The following FAT4 variants were observed in gnomAD, a reference collection of about 807,000 sequenced individuals.
FAT4 encodes FAT atypical cadherin 4.
A neutral mutation model predicts 303.9 loss-of-function variants in FAT4; 84 were observed. The ratio of observed to expected loss-of-function variants is 0.28; its 90% CI spans 0.23 to 0.33. The LOEUF (loss-of-function observed/expected upper bound fraction) is 0.33. Ranked by LOEUF, FAT4 falls within the 10% of genes least tolerant of loss-of-function variation. The pLI is 1.00. For synonymous variants in FAT4, 2,307 were observed against 2,298.8 expected, an observed-to-expected ratio of 1.00 and a Z score of -0.10; for missense variants, 6,005 against 6,146.8, an observed-to-expected ratio of 0.98 and a Z score of 0.77.
chr4:125,357,897 C>T lies in FAT4; in HGVS notation c.5175+36311C>T, dbSNP rs149248649. Among the ~76,000 whole-genome samples the T allele has an allele frequency of 2.9e-3, 439 of 152,240 alleles. 3 individuals are homozygous for T. The highest frequency in any genetic ancestry group is 9.7e-3 in the African/African-American group (403 of 41,530). ...AATGAAGTAACTGGGCCATACATCC[C>T]TTCCCCTTTACATATGAAAGGAAAA... On this transcript the variant is annotated intron_variant, in intron 2 of 17. Transcript: ENST00000394329.
chr4:125,383,364 A>G (rs183600159), intron 2 of FAT4, among the ~76,000 whole-genome samples: 1 of 152,112 alleles, frequency 6.6e-6, no homozygotes, highest in Non-Finnish European at 1.5e-5. Context: ...AGGAATAGGG[A>G]GGCCCTAGGA....
At chr4:125,321,661 A>C in intron 2 of FAT4, 75 bp downstream of exon 2, 1 of 1,367,924 alleles carries the variant, frequency 7.3e-7, no homozygotes, top group Non-Finnish European at 9.8e-7. Flanking sequence ...TTTACTCTCT[A>C]TAATTGTTTA....
chr4:125,382,196 A>T (rs1279075592), intron 2 of FAT4, among the ~76,000 whole-genome samples: 1 of 152,128 alleles, frequency 6.6e-6, no homozygotes, highest in Non-Finnish European at 1.5e-5. Context: ...CTTTAATGGC[A>T]TCTAGAATGG....
chr4:125,365,012 T>A (rs1340239238), intron 2 of FAT4, among the ~76,000 whole-genome samples: 1 of 152,100 alleles, frequency 6.6e-6, no homozygotes, highest in African/African-American at 2.4e-5. Context: ...GAGTTGGAGG[T>A]ACATGCATTG....
intron 2 of FAT4, among the ~76,000 whole-genome samples, chr4:125,349,906 C>A (rs149862804): frequency 6.6e-6 from 1 of 151,488 alleles, no homozygotes; most frequent in Non-Finnish European, 1.5e-5. Context: ...AAACTCAATG[C>A]GCAATCTTGA....
intron 10 of FAT4, among the ~76,000 whole-genome samples, chr4:125,455,818 A>G (rs1456179588): frequency 2.6e-5 from 4 of 152,210 alleles, no homozygotes; most frequent in East Asian, 3.8e-4. Flanking sequence ...AAGACAGTGT[A>G]TTGTCTGAGA....
In FAT4 at chr4:125,489,925, C is replaced by T. The variant is rs762418523; in HGVS notation, c.13109C>T (p.Ser4370Phe). Residue 4370 changes from serine to phenylalanine, a missense_variant, in exon 18 of 18, where the codon TCT becomes TTT. Coordinates refer to ENST00000394329, the MANE Select transcript of FAT4 (RefSeq NM_001291303.3). ...GCAGGTTTTGATGGCTGCATTGCTT[C>T]TATGTGGTATGGTGGAGAAAGTCTT... is the stretch of plus-strand genomic sequence containing the variant. ...QTAGFDGCIA[S>F]MWYGGESLPF... 3 of 1,400,750 alleles carry T rather than the reference C, an allele frequency of 2.1e-6. No homozygotes were observed. The Admixed American group carries it at 6.2e-5, about 29-fold the overall frequency. 86.8% of individuals were successfully genotyped at this position (1,400,750 alleles called of 1,614,324 possible).
chr4:125,401,101 C>A (rs1484832298), intron 3 of FAT4, among the ~76,000 whole-genome samples: 1 of 152,020 alleles, frequency 6.6e-6, no homozygotes, highest in Non-Finnish European at 1.5e-5. Context: ...AAAACTACAA[C>A]CATTGTTTTT....
rs753362111 is a variant in FAT4, at chr4:125,316,564, G to A, written c.153G>A (p.Val51=). Residue 51 remains valine, a synonymous_variant, in exon 2 of 18, where the codon GTG becomes GTA. Transcript: ENST00000394329. This position sits in a 1 kb window ranked among gnomAD's most constrained non-coding sequence, Gnocchi z 5.7. Reference sequence around the variant, plus strand: ...CCGAGCCGCGCCAGGTGTTCCAAGTGCTGGAAGAGCAACCTCCAGGCACTC... The same window carrying A: ...CCGAGCCGCGCCAGGTGTTCCAAGTACTGGAAGAGCAACCTCCAGGCACTC... ...HGAEPRQVFQ[V]LEEQPPGTLV... is the part of the protein sequence containing the mutation. 12 of 1,614,062 alleles carry A rather than the reference G, an allele frequency of 7.4e-6. No individual in the cohort carries two copies. Among genetic ancestry groups the A allele is most frequent in the South Asian group, 3.3e-5 (3 of 91,080 alleles).
Position 125,406,884 on chromosome 4 carries a change from C to T in FAT4, c.5312C>T (p.Ala1771Val). Residue 1771 changes from alanine (A) to valine (V), a missense_variant, in exon 4 of 18, where the codon GCA becomes GTA. Coordinates refer to ENST00000394329, the MANE Select transcript of FAT4 (RefSeq NM_001291303.3). ...ATGCTTGGTCTCTTTTTTTAGGGTG[C>T]AAATGCTCTCGTCACATACACTATC... ...QLTAMDADEG[A>V]NALVTYTIIS... 2 of 1,613,080 alleles carry T rather than the reference C, an allele frequency of 1.2e-6. No individual in the cohort carries two copies. The highest frequency in any genetic ancestry group is 2.2e-5 in the South Asian group (2 of 90,990).
At chr4:125,488,859 AG>A (rs1347258381) in intron 17 of FAT4, among the ~76,000 whole-genome samples, 1 of 152,182 alleles carries the variant, frequency 6.6e-6, no homozygotes, top group Non-Finnish European at 1.5e-5. Flanking sequence ...GTGAAAAGAA[AG>A]CCTGGGACGT....
intron 16 of FAT4, among the ~76,000 whole-genome samples, chr4:125,483,533 G>T (rs1009774523): frequency 2.0e-5 from 3 of 152,150 alleles, no homozygotes; most frequent in Non-Finnish European, 4.4e-5. Context: ...AAAGCTGAAT[G>T]TCAGGATCCA....
chr4:125,325,494 A>G (rs1258437436), intron 2 of FAT4, among the ~76,000 whole-genome samples: 17 of 152,168 alleles, frequency 1.1e-4, no homozygotes, highest in Admixed American at 1.0e-3. Flanking sequence ...GCATACTCAA[A>G]TATTTAAAAA....
rs73845995 is a variant in FAT4, at chr4:125,385,859, A to G, written c.5176-12925A>G. Among the ~76,000 whole-genome samples, 1,374 of 152,280 alleles carry G rather than the reference A, an allele frequency of 9.0e-3. 22 individuals carry two copies. The highest frequency in any genetic ancestry group is 0.031 in the African/African-American group (1,286 of 41,554). On this transcript the variant is annotated intron_variant, in intron 2 of 17. Transcript: ENST00000394329. ...TCAGCTTTTCGTCCAGCTTTTTGTC[A>G]TACTCTTATTCCACTAAAAATGTTG...
intron 7 of FAT4, among the ~76,000 whole-genome samples, chr4:125,421,154 C>A (rs1724863857): frequency 6.6e-6 from 1 of 152,164 alleles, no homozygotes. Context: ...AACCCCTGAG[C>A]ACAGACAATC....
At chr4:125,402,969 A>C (rs372166159) in intron 3 of FAT4, among the ~76,000 whole-genome samples, 91 of 152,178 alleles carry the variant, frequency 6.0e-4, no homozygotes, top group Non-Finnish European at 1.0e-3. Context: ...AATAACATAT[A>C]ATAGGAAATC....
intron 7 of FAT4, 106 bp from the exon 8 acceptor site, chr4:125,434,139 T>C: frequency 9.9e-7 from 1 of 1,009,738 alleles, no homozygotes; most frequent in Non-Finnish European, 1.4e-6. Flanking sequence ...AATTTTACTT[T>C]GATGTTTCCT....
At chr4:125,395,068 A>C (rs1232958376) in intron 2 of FAT4, among the ~76,000 whole-genome samples, 1 of 152,204 alleles carries the variant, frequency 6.6e-6, no homozygotes, top group African/African-American at 2.4e-5. Flanking sequence ...CTTGGTAGAT[A>C]AAACCATGGC....
rs1371430996 is a variant in FAT4 at position 125,317,393 on chromosome 4, A to G, written c.982A>G (p.Arg328Gly). The G allele has an allele frequency of 6.2e-7, 1 of 1,613,496 alleles. No homozygotes were observed. Among genetic ancestry groups the G allele is most frequent in the Non-Finnish European group, 8.5e-7 (1 of 1,180,044 alleles). ...QYSLTVQAMD[R>G]GVPSLTGRAE... ...CTCGCTTACGGTGCAGGCGATGGAC[A>G]GAGGCGTGCCTTCCCTCACTGGGCG... Residue 328 changes from arginine (R) to glycine (G), a missense_variant, in exon 2 of 18, where the codon AGA (arginine) becomes GGA (glycine). Coordinates refer to ENST00000394329, the MANE Select transcript of FAT4 (RefSeq NM_001291303.3). The surrounding 1 kb of genome is among the most constrained non-coding windows in gnomAD (Gnocchi z 7.0).
Sources: allele counts gnomAD v4.1 joint callset (sites outside exome capture counted in the v4.1 genomes callset), GRCh38; gene constraint gnomAD v4.1.1; non-coding constraint Gnocchi (gnomAD v3.1); transcripts MANE v1.5; gene names NCBI Gene and HGNC (gene_info 2026-07-23, HGNC 2026-07-21).